The following SGPL1 variants were observed in gnomAD, a reference collection of about 807,000 sequenced individuals.
SGPL1 encodes SP-lyase 1.
A neutral mutation model predicts 68.9 loss-of-function variants in SGPL1; 37 were observed. The ratio of observed to expected loss-of-function variants is 0.54; its 90% CI spans 0.41 to 0.71. The LOEUF is 0.71. Among genes scored for constraint, SGPL1 ranks in the 30% least tolerant of loss-of-function variants. SGPL1 has a pLI of 0.00. For missense variants in SGPL1, 551 were observed against 704.6 expected (o/e 0.78, Z 2.47); for synonymous variants, 236 against 248.5 (o/e 0.95, Z 0.47).
intron 5 of SGPL1, 58 bp from the exon 6 acceptor site, chr10:70,857,556 G>C (rs914691707): frequency 5.7e-6 from 8 of 1,392,504 alleles, no homozygotes; most frequent in South Asian, 1.2e-5. Flanking sequence ...TTCTTTATCA[G>C]AACCTGTCTT....
At chr10:70,840,488 T>G (rs1383798519) in intron 2 of SGPL1, among the ~76,000 whole-genome samples, 1 of 152,010 alleles carries the variant, frequency 6.6e-6, no homozygotes, top group African/African-American at 2.4e-5. Context: ...AATAATTCAG[T>G]GAGCTGTGAG....
intron 11 of SGPL1, among the ~76,000 whole-genome samples, chr10:70,873,076 C>T (rs1846322216): frequency 6.6e-6 from 1 of 152,114 alleles, no homozygotes; most frequent in Non-Finnish European, 1.5e-5. Flanking sequence ...TAAGGTAAAC[C>T]ACATGCTGGG....
intron 13 of SGPL1, 97 bp downstream of exon 13, chr10:70,875,645 G>A: frequency 2.2e-6 from 2 of 901,806 alleles, no homozygotes; most frequent in Non-Finnish European, 3.4e-6. Context: ...GACTGCTAGA[G>A]GCTAGCACGT....
intron 2 of SGPL1, among the ~76,000 whole-genome samples, chr10:70,838,995 T>A (rs1845674145): frequency 6.6e-6 from 1 of 152,216 alleles, no homozygotes; most frequent in Non-Finnish European, 1.5e-5. Flanking sequence ...TGTAGCCTTC[T>A]GCTGTTGGGT....
chr10:70,844,566 CAGCTAATTGCATG>C lies in SGPL1; in HGVS notation c.122_134del (p.Gln41ArgfsTer8). The C allele has an allele frequency of 6.2e-7, 1 of 1,614,094 alleles. No homozygotes were observed. The highest frequency in any genetic ancestry group is 8.5e-7 in the Non-Finnish European group (1 of 1,179,986). On this transcript the variant is annotated frameshift_variant, in exon 3 of 15. Coordinates refer to ENST00000373202, the MANE Select transcript of SGPL1 (RefSeq NM_003901.4). LOFTEE classifies it high-confidence loss of function. ...ACATTGCACCAAGTATGAGCCCTGG[CAGCTAATTGCATG>C]GAGTGTCGTGTGGACCCTGCTGATA...
At chr10:70,817,592 C>T (rs760981773) in intron 2 of SGPL1, among the ~76,000 whole-genome samples, 6 of 152,126 alleles carry the variant, frequency 3.9e-5, no homozygotes, top group Non-Finnish European at 8.8e-5. Flanking sequence ...CACAGGTCAC[C>T]TCTCCTGGCT....
chr10:70,821,803 A>G (rs1478209845), intron 2 of SGPL1, among the ~76,000 whole-genome samples: 1 of 151,984 alleles, frequency 6.6e-6, no homozygotes, highest in East Asian at 1.9e-4. Flanking sequence ...CCCTTCTTGG[A>G]GGTTAACGTG....
At chr10:70,861,820 G>C (rs1362933386) in intron 7 of SGPL1, among the ~76,000 whole-genome samples, 1 of 152,226 alleles carries the variant, frequency 6.6e-6, no homozygotes, top group Non-Finnish European at 1.5e-5. Context: ...AGGTCCCCCA[G>C]TAGTGCCGGC....
intron 9 of SGPL1, among the ~76,000 whole-genome samples, chr10:70,870,574 A>C (rs1846275057): frequency 6.6e-6 from 1 of 151,818 alleles, no homozygotes; most frequent in African/African-American, 2.4e-5. Flanking sequence ...TCATTATGAT[A>C]GTGATTATTT....
At chr10:70,865,661 G>A (rs182752146) in intron 7 of SGPL1, among the ~76,000 whole-genome samples, 1 of 152,246 alleles carries the variant, frequency 6.6e-6, no homozygotes, top group East Asian at 1.9e-4. Context: ...CAGTCTTTAG[G>A]TTATTCCTAG....
chr10:70,851,676 T>TA (rs1298218727), intron 4 of SGPL1, among the ~76,000 whole-genome samples: 1 of 152,202 alleles, frequency 6.6e-6, no homozygotes, highest in Non-Finnish European at 1.5e-5. Context: ...GTTGGGTGCT[T>TA]ACATGGTTTA....
At chr10:70,858,624 T>A (rs1406687809) in intron 6 of SGPL1, among the ~76,000 whole-genome samples, 1 of 152,246 alleles carries the variant, frequency 6.6e-6, no homozygotes, top group Non-Finnish European at 1.5e-5. Context: ...TAGCTTCCCA[T>A]TATCTACAGG....
chr10:70,835,693 A>G (rs183047002), intron 2 of SGPL1, among the ~76,000 whole-genome samples: 9,957 of 146,692 alleles, frequency 0.068, 443 homozygotes, highest in African/African-American at 0.097. Flanking sequence ...CCAAGATTGC[A>G]CCACTGCACT....
In SGPL1 at chr10:70,859,368, C is replaced by T; in HGVS notation, c.487-3C>T. 3 of 1,471,430 alleles carry T rather than the reference C, an allele frequency of 2.0e-6. No individual in the cohort carries two copies. The highest frequency in any genetic ancestry group is 1.8e-6 in the Non-Finnish European group (2 of 1,107,328). The allele number at this position is 1,471,430 out of a possible 1,614,324, so 91.1% of individuals were successfully genotyped here. On this transcript the variant is annotated splice_region_variant and splice_polypyrimidine_tract_variant and intron_variant, in intron 6 of 14. Coordinates refer to ENST00000373202, the MANE Select transcript of SGPL1 (RefSeq NM_003901.4). ...TTTCACATCTGCTTGCATTTTTTTG[C>T]AGGCTTATGGAGATTTTGCATGGAG...
chr10:70,833,337 A>G (rs956414278), intron 2 of SGPL1, among the ~76,000 whole-genome samples: 1 of 152,192 alleles, frequency 6.6e-6, no homozygotes, highest in African/African-American at 2.4e-5. Flanking sequence ...CTTGACTCAC[A>G]TAGTGGAATT....
intron 3 of SGPL1, among the ~76,000 whole-genome samples, chr10:70,845,817 A>G (rs1158082807): frequency 6.6e-6 from 1 of 152,168 alleles, no homozygotes; most frequent in Non-Finnish European, 1.5e-5. Context: ...TGGGATAAGA[A>G]AACAGTAACA....
At chr10:70,876,701 T>G (rs1042528412) in intron 14 of SGPL1, 40 bp downstream of exon 14, 1 of 1,580,768 alleles carries the variant, frequency 6.3e-7, no homozygotes. Context: ...CTTGGAAATT[T>G]AGGTGTTGGT....
chr10:70,823,916 A>G (rs1845386466), intron 2 of SGPL1, among the ~76,000 whole-genome samples: 1 of 152,220 alleles, frequency 6.6e-6, no homozygotes, highest in African/African-American at 2.4e-5. Context: ...CTATAGGGAA[A>G]GCTTTCTAGT....
At chr10:70,859,099 C>T (rs1043657617) in intron 6 of SGPL1, among the ~76,000 whole-genome samples, 1 of 152,240 alleles carries the variant, frequency 6.6e-6, no homozygotes, top group African/African-American at 2.4e-5. Flanking sequence ...AAGTAATAGG[C>T]AAAGCTTAGA....
Sources: allele counts gnomAD v4.1 joint callset (sites outside exome capture counted in the v4.1 genomes callset), GRCh38; gene constraint gnomAD v4.1.1; transcripts MANE v1.5; gene names NCBI Gene and HGNC (gene_info 2026-07-23, HGNC 2026-07-21).